Variants in WDR76 observed in about 807,000 individuals in gnomAD.
WDR76 encodes the protein WD repeat-containing protein 76.
WDR76 carries 52 observed loss-of-function variants against 70.2 expected under a neutral mutation model. The ratio of observed to expected loss-of-function variants is 0.74; its 90% CI spans 0.59 to 0.93. The LOEUF (loss-of-function observed/expected upper bound fraction) is 0.93, where lower values mean the gene tolerates loss of function less well. Among genes scored for constraint, WDR76 ranks in the 40% least tolerant of loss-of-function variants. The pLI, the probability that WDR76 is intolerant of heterozygous loss-of-function variation, is 0.00. For synonymous variants in WDR76, 292 were observed against 271.1 expected (o/e 1.08, Z -0.76); for missense variants, 756 against 760.2 (o/e 0.99, Z 0.07).
intron 3 of WDR76, among the ~76,000 whole-genome samples, chr15:43,835,508 C>T (rs1482062527): frequency 7.7e-6 from 1 of 129,626 alleles, no homozygotes; most frequent in African/African-American, 2.8e-5. Context: ...ACAACAAGAG[C>T]CGTAAAACCC....
Position 43,866,351 on chromosome 15 carries a change from A to G in WDR76, c.1840A>G (p.Ser614Gly), listed in dbSNP as rs3742985. 7.5e-4 allele frequency: 1,218 copies of G among 1,614,164 alleles called. 21 individuals are homozygous for G. In the East Asian group the frequency reaches 0.025, roughly 34 times the overall value. Residue 614 changes from serine to glycine, a missense_variant, in exon 13 of 13, where the codon AGC (serine) becomes GGC (glycine). By Grantham distance (56) the Ser-to-Gly change is moderately conservative. Coordinates refer to ENST00000263795, the MANE Select transcript of WDR76 (RefSeq NM_024908.4). ...TRYILAGGNS[S>G]GKIHVFMNEK... ...GTATATTTTGGCTGGAGGTAATTCC[A>G]GCGGGAAGATACATGTTTTTATGAA...
Position 43,836,187 on chromosome 15 carries a change from AGAG to A in WDR76, c.580_582del (p.Glu194del), listed in dbSNP as rs547995892. 4.7e-5 allele frequency: 75 copies of A among 1,609,996 alleles called. No homozygotes were observed. In the African/African-American group the frequency reaches 9.3e-4, roughly 20 times the overall value. On this transcript the variant is annotated inframe_deletion, in exon 4 of 13. Transcript: ENST00000263795. Reference sequence around the variant, plus strand: ...CTGCTGCAAGACTCCGTGAAATGATAGAGAAGAGACAGCCTCCTAAATCCAAAA... The same window carrying A: ...CTGCTGCAAGACTCCGTGAAATGATAAAGAGACAGCCTCCTAAATCCAAAA...
chr15:43,852,751 A>T lies in WDR76; in HGVS notation c.1191+1506A>T, dbSNP rs73414064. ...GTGACTGGTTTCTTTAACAAAATGTATTCAAAGTTCATCCATGTTGTAGCC... is the reference window on the plus strand; with the variant it reads ...GTGACTGGTTTCTTTAACAAAATGTTTTCAAAGTTCATCCATGTTGTAGCC... On this transcript the variant is annotated intron_variant, in intron 9 of 12. Coordinates refer to ENST00000263795, the MANE Select transcript of WDR76 (RefSeq NM_024908.4). Among the ~76,000 whole-genome samples the T allele has an allele frequency of 5.3e-3, 815 of 152,342 alleles. 8 individuals are homozygous for T. The highest frequency in any genetic ancestry group is 0.019 in the African/African-American group (799 of 41,580).
chr15:43,836,572 T>C (rs548395296), intron 4 of WDR76, among the ~76,000 whole-genome samples: 1 of 152,220 alleles, frequency 6.6e-6, no homozygotes, highest in Non-Finnish European at 1.5e-5. Flanking sequence ...TTGTTTTTGC[T>C]TTCTTAGTCC....
intron 12 of WDR76, among the ~76,000 whole-genome samples, chr15:43,865,924 AT>A (rs1454573494): frequency 6.6e-6 from 1 of 152,058 alleles, no homozygotes; most frequent in East Asian, 1.9e-4. Context: ...ATTTTGGGAG[AT>A]TTTTAGATGA....
Position 43,863,978 on chromosome 15 carries a change from A to G in WDR76, c.1617-2150A>G, listed in dbSNP as rs377390877. ...TGTAACTGACTGTGAACAATCAATT[A>G]AGATAAGTTACTACCTTTGAACCAG... On this transcript the variant is annotated intron_variant, in intron 12 of 12. Coordinates refer to ENST00000263795, the MANE Select transcript of WDR76 (RefSeq NM_024908.4). 6.6e-5 allele frequency: 10 copies of G among 152,350 alleles called. No individual in the cohort carries two copies. The East Asian group carries it at 1.2e-3, about 18-fold the overall frequency. 9.4% of individuals were successfully genotyped at this position (152,350 alleles called of 1,614,324 possible).
intron 12 of WDR76, among the ~76,000 whole-genome samples, chr15:43,862,280 T>TC (rs1270140211): frequency 6.9e-6 from 1 of 144,402 alleles, no homozygotes; most frequent in Non-Finnish European, 1.5e-5. Context: ...CAGTTTCTTT[T>TC]TTTTTTTTTT....
intron 9 of WDR76, among the ~76,000 whole-genome samples, chr15:43,855,023 C>T (rs2087912030): frequency 6.6e-6 from 1 of 152,068 alleles, no homozygotes; most frequent in Admixed American, 6.6e-5. Flanking sequence ...ATTCTCCTCC[C>T]ATTGCCTGCA....
intron 4 of WDR76, among the ~76,000 whole-genome samples, chr15:43,837,634 T>G (rs2087673027): frequency 6.6e-6 from 1 of 152,156 alleles, no homozygotes; most frequent in Non-Finnish European, 1.5e-5. Flanking sequence ...TTTTTCTTTC[T>G]GTAAAGCTGG....
chr15:43,864,764 T>C (rs2088048805), intron 12 of WDR76, among the ~76,000 whole-genome samples: 1 of 151,842 alleles, frequency 6.6e-6, no homozygotes, highest in East Asian at 2.0e-4. Context: ...TGGCTAACTT[T>C]CCTATTTTTA....
chr15:43,859,590 G>T (rs538936963), intron 11 of WDR76, among the ~76,000 whole-genome samples: 84 of 152,192 alleles, frequency 5.5e-4, no homozygotes, highest in Non-Finnish European at 1.1e-3. Context: ...GAAGAGCGTG[G>T]TCTGCAGTGT....
At chr15:43,834,732 C>T (rs1300525899) in intron 2 of WDR76, among the ~76,000 whole-genome samples, 1 of 152,126 alleles carries the variant, frequency 6.6e-6, no homozygotes, top group Non-Finnish European at 1.5e-5. Flanking sequence ...CAGGCGTGAG[C>T]CACTGCCCCT....
At chr15:43,839,337 A>G (rs926444356) in intron 4 of WDR76, among the ~76,000 whole-genome samples, 3 of 152,244 alleles carry the variant, frequency 2.0e-5, no homozygotes, top group Non-Finnish European at 4.4e-5. Context: ...TCAGCAGTGC[A>G]TAAAGATCTA....
In WDR76 at chr15:43,856,918, A is replaced by G. The variant is rs755886702; in HGVS notation, c.1192-28A>G. ...GCTTTCTTTACAAGAAGAGTGTGATATAAGCTGATTGTTACTTATATTCTT... is the reference window on the plus strand; with the variant it reads ...GCTTTCTTTACAAGAAGAGTGTGATGTAAGCTGATTGTTACTTATATTCTT... On this transcript the variant is annotated intron_variant, in intron 9 of 12. Coordinates refer to ENST00000263795, the MANE Select transcript of WDR76 (RefSeq NM_024908.4). 1.0e-5 allele frequency: 16 copies of G among 1,593,224 alleles called. No individual in the cohort carries two copies. The Admixed American group carries it at 2.4e-4, about 24-fold the overall frequency.
In WDR76 at chr15:43,830,481, G is replaced by T. The variant is rs576911227; in HGVS notation, c.462+2115G>T. 1.3e-4 allele frequency among the ~76,000 whole-genome samples: 20 copies of T among 149,656 alleles called. 1 individual carries two copies. The East Asian group carries it at 3.6e-3, about 27-fold the overall frequency. ...GGAGGCCGAGGCAGGAGAATCTCTT[G>T]AACCTGGAAGGTGGAGGTTGCGGTG... On this transcript the variant is annotated intron_variant, in intron 2 of 12. Coordinates refer to ENST00000263795, the MANE Select transcript of WDR76 (RefSeq NM_024908.4).
At chr15:43,865,720 T>TA (rs1378770178) in intron 12 of WDR76, among the ~76,000 whole-genome samples, 10 of 152,220 alleles carry the variant, frequency 6.6e-5, no homozygotes, top group African/African-American at 2.2e-4. Flanking sequence ...TGTATATTTT[T>TA]AAAAAATTTA....
intron 9 of WDR76, among the ~76,000 whole-genome samples, chr15:43,855,375 A>G (rs1245295934): frequency 6.6e-6 from 1 of 152,222 alleles, no homozygotes; most frequent in Non-Finnish European, 1.5e-5. Context: ...CAGAACAAGA[A>G]TTTACACCAG....
intron 5 of WDR76, among the ~76,000 whole-genome samples, chr15:43,841,732 T>C (rs1036890765): frequency 6.6e-6 from 1 of 152,160 alleles, no homozygotes; most frequent in African/African-American, 2.4e-5. Context: ...ACAAACTGTT[T>C]AAAAAAATAC....
intron 8 of WDR76, among the ~76,000 whole-genome samples, chr15:43,850,218 A>G (rs190975564): frequency 2.1e-4 from 32 of 152,224 alleles, no homozygotes; most frequent in African/African-American, 7.5e-4. Flanking sequence ...CCTTAGGAGT[A>G]GGTATATTAA....
Sources: gnomAD v4.1 joint callset for allele counts (sites outside exome capture counted in the v4.1 genomes callset) on GRCh38, gnomAD v4.1.1 for gene constraint, MANE v1.5 for transcripts, NCBI Gene and HGNC (gene_info 2026-07-23, HGNC 2026-07-21) for gene names.